The following ABLIM2 variants were observed in gnomAD, a reference collection of about 807,000 sequenced individuals.
ABLIM2 encodes actin binding LIM protein family member 2.
In ABLIM2, 53 loss-of-function variants were observed where a neutral mutation model predicts 97.7. The observed-to-expected ratio is 0.54, with a 90% CI of 0.44 to 0.68. The LOEUF is 0.68. Ranked by LOEUF, ABLIM2 falls within the 30% of genes least tolerant of loss-of-function variation. ABLIM2 has a pLI of 0.00. For synonymous variants in ABLIM2, 361 were observed against 345.8 expected, an observed-to-expected ratio of 1.04 and a Z score of -0.49; for missense variants, 835 against 867.2, an observed-to-expected ratio of 0.96 and a Z score of 0.47.
In ABLIM2 at chr4:8,064,400, C is replaced by T. The variant is rs531925412; in HGVS notation, c.676-3346G>A. On this transcript the variant is annotated intron_variant, in intron 6 of 20. Coordinates refer to ENST00000447017, the MANE Select transcript of ABLIM2 (RefSeq NM_001130083.2). ...TTAACAGGCCATCATGGGAACAGGA[C>T]GGGTGGCTCTGAAGACAGGAGGAAA... Among the ~76,000 whole-genome samples the T allele has an allele frequency of 1.6e-4, 24 of 152,276 alleles. No individual in the cohort carries two copies. The East Asian group carries it at 3.5e-3, about 22-fold the overall frequency.
chr4:8,039,874 GTTTTTTTTTT>G (rs397947626), intron 9 of ABLIM2, among the ~76,000 whole-genome samples: 1 of 108,630 alleles, frequency 9.2e-6, no homozygotes, highest in African/African-American at 3.4e-5. Flanking sequence ...GCTGATTACT[GTTTTTTTTTT>G]TTTTTTTTTT....
At position 8,068,080 on chromosome 4, in the gene ABLIM2, G is replaced by C. The variant is rs1438885860; in HGVS notation, c.676-7026C>G. Among the ~76,000 whole-genome samples the C allele has an allele frequency of 6.6e-6, 1 of 151,452 alleles. No homozygotes were observed. Among genetic ancestry groups the C allele is most frequent in the Non-Finnish European group, 1.5e-5 (1 of 68,002 alleles). ...CATTCCCATTCTCTCATAGTGACTG[G>C]GGCGTCCCAGTCATCGGTACAGTGG... On this transcript the variant is annotated intron_variant, in intron 6 of 20. Transcript: ENST00000447017. The surrounding 1 kb of genome is among the most constrained non-coding windows in gnomAD (Gnocchi z 4.5).
intron 9 of ABLIM2, among the ~76,000 whole-genome samples, chr4:8,039,005 G>T (rs942046561): frequency 2.0e-5 from 3 of 152,040 alleles, no homozygotes; most frequent in African/African-American, 4.8e-5. Flanking sequence ...CAGGCTCAGC[G>T]AAGGCCCCTC....
intron 20 of ABLIM2, among the ~76,000 whole-genome samples, chr4:7,981,006 C>T (rs184934859): frequency 2.2e-5 from 3 of 135,374 alleles, no homozygotes; most frequent in Admixed American, 8.3e-5. Context: ...TGCTGTGGCA[C>T]GATCTCGGCT....
chr4:8,078,107 G>A (rs1817455515), intron 5 of ABLIM2, among the ~76,000 whole-genome samples: 1 of 152,172 alleles, frequency 6.6e-6, no homozygotes, highest in Non-Finnish European at 1.5e-5. Context: ...CAAAGAGGGG[G>A]GACAGTAAGG....
intron 1 of ABLIM2, among the ~76,000 whole-genome samples, chr4:8,116,329 C>A (rs1032661394): frequency 2.0e-5 from 3 of 152,340 alleles, no homozygotes; most frequent in East Asian, 1.9e-4. Context: ...TGCATGCCCC[C>A]CAAGGGCAGG....
rs1320592400 is a variant in ABLIM2 at position 8,075,928 on chromosome 4, A to T, written c.675+1700T>A. ...GATCAACTATGATTACATGGAAAGAAAAAACGAAAGAAAACTGGCCAGAAA... is the reference window on the plus strand; with the variant it reads ...GATCAACTATGATTACATGGAAAGATAAAACGAAAGAAAACTGGCCAGAAA... On this transcript the variant is annotated intron_variant, in intron 6 of 20. Coordinates refer to ENST00000447017, the MANE Select transcript of ABLIM2 (RefSeq NM_001130083.2). This position sits in a 1 kb window ranked among gnomAD's most constrained non-coding sequence, Gnocchi z 4.4. Among the ~76,000 whole-genome samples the T allele has an allele frequency of 6.6e-6, 1 of 152,254 alleles. No individual in the cohort carries two copies. Among genetic ancestry groups the T allele is most frequent in the African/African-American group, 2.4e-5 (1 of 41,472 alleles).
Position 7,991,955 on chromosome 4 carries a change from C to T in ABLIM2, c.1680+911G>A, listed in dbSNP as rs539833602. Among the ~76,000 whole-genome samples the T allele has an allele frequency of 6.6e-5, 10 of 152,276 alleles. No individual in the cohort carries two copies. The East Asian group carries it at 7.7e-4, about 12-fold the overall frequency. On this transcript the variant is annotated intron_variant, in intron 17 of 20. Coordinates refer to ENST00000447017, the MANE Select transcript of ABLIM2 (RefSeq NM_001130083.2). ...TTACACACAGCCACGGCTGCTCCAG[C>T]GCAACAAAGAGGGGGCCAGTTTTTT...
At position 8,032,170 on chromosome 4, in the gene ABLIM2, C is replaced by G. The variant is rs1372538205; in HGVS notation, c.1048-2394G>C. On this transcript the variant is annotated intron_variant, in intron 10 of 20. Transcript: ENST00000447017. This position sits in a 1 kb window ranked among gnomAD's most constrained non-coding sequence, Gnocchi z 4.3. ...ACAGACTGCAGTCTGATTGGCAGCT[C>G]TCTATGTCACTGATTAATTTTGAGA... Among the ~76,000 whole-genome samples the G allele has an allele frequency of 6.7e-6, 1 of 149,928 alleles. No homozygotes were observed. The highest frequency in any genetic ancestry group is 1.5e-5 in the Non-Finnish European group (1 of 67,726).
At chr4:8,111,252 C>T (rs1397604836) in intron 1 of ABLIM2, among the ~76,000 whole-genome samples, 4 of 152,202 alleles carry the variant, frequency 2.6e-5, no homozygotes, top group African/African-American at 9.7e-5. Context: ...AAAGGCTATG[C>T]CCTGCAGGAT....
At chr4:7,975,038 G>A (rs1731838974) in intron 20 of ABLIM2, among the ~76,000 whole-genome samples, 1 of 152,164 alleles carries the variant, frequency 6.6e-6, no homozygotes, top group Non-Finnish European at 1.5e-5. Flanking sequence ...GGGCAACATA[G>A]TAAGACCCTG....
intron 18 of ABLIM2, among the ~76,000 whole-genome samples, chr4:7,984,516 C>G (rs1015759665): frequency 6.6e-6 from 1 of 152,236 alleles, no homozygotes; most frequent in African/African-American, 2.4e-5. Context: ...TTTGGCCCAG[C>G]GCCGTCCCGC....
At chr4:7,982,016 T>C (rs954738131) in intron 20 of ABLIM2, among the ~76,000 whole-genome samples, 2 of 152,056 alleles carry the variant, frequency 1.3e-5, no homozygotes, top group African/African-American at 4.8e-5. Context: ...TGGTGCCTTC[T>C]CCCCTCTCTG....
At chr4:8,146,642 C>T (rs1047166403) in intron 1 of ABLIM2, among the ~76,000 whole-genome samples, 61 of 152,184 alleles carry the variant, frequency 4.0e-4, no homozygotes, top group African/African-American at 1.4e-3. Context: ...CAGGCTCAAG[C>T]GATCCTCCTG....
In ABLIM2 at chr4:8,080,743, G is replaced by A. The variant is rs1819291523; in HGVS notation, c.514C>T (p.His172Tyr). ...NGQALVALDK[H>Y]WHLGCFKCKS... ...CACTTAAAACAGCCCAAGTGCCAGT[G>A]CTTGTCCAAGGCTACCAGGGCCTGG... The change falls in exon 5 of 21, where the codon CAC (histidine) becomes TAC (tyrosine). Residue 172 changes from histidine to tyrosine, a missense_variant. By Grantham distance (83) the His-to-Tyr change is moderately conservative (BLOSUM62 2). Transcript: ENST00000447017. 6.2e-7 allele frequency: 1 copy of A among 1,612,806 alleles called. No individual in the cohort carries two copies. Among genetic ancestry groups the A allele is most frequent in the Non-Finnish European group, 8.5e-7 (1 of 1,179,182 alleles).
chr4:8,092,009 A>T (rs919932100), intron 3 of ABLIM2, among the ~76,000 whole-genome samples: 1 of 140,216 alleles, frequency 7.1e-6, no homozygotes, highest in Non-Finnish European at 1.5e-5. Context: ...ATATATATAT[A>T]TTTTTTGAGA....
chr4:8,042,766 G>T lies in ABLIM2; in HGVS notation c.900+2398C>A, dbSNP rs535938838. ...AGGCAGGAGAATCGCTTGAACCCAG[G>T]GGGTGGAGGTTGCAGTGAGCTGAGA... On this transcript the variant is annotated intron_variant, in intron 9 of 20. Coordinates refer to ENST00000447017, the MANE Select transcript of ABLIM2 (RefSeq NM_001130083.2). 3.3e-5 allele frequency among the ~76,000 whole-genome samples: 5 copies of T among 151,786 alleles called. No homozygotes were observed. The South Asian group carries it at 8.4e-4, about 25-fold the overall frequency.
chr4:8,019,783 T>A lies in ABLIM2; in HGVS notation c.1370-112A>T. ...AACAAGCACTCACCCAGATTTAGAA[T>A]CATCAGGCAGGAACTGGCACCCAGC... is the stretch of plus-strand genomic sequence containing the variant. On this transcript the variant is annotated intron_variant, in intron 13 of 20. Coordinates refer to ENST00000447017, the MANE Select transcript of ABLIM2 (RefSeq NM_001130083.2). This position sits in a 1 kb window ranked among gnomAD's most constrained non-coding sequence, Gnocchi z 4.3. 9.1e-7 allele frequency: 1 copy of A among 1,097,236 alleles called. No individual in the cohort carries two copies. The highest frequency in any genetic ancestry group is 1.3e-6 in the Non-Finnish European group (1 of 747,154). 68.0% of individuals were successfully genotyped at this position (1,097,236 alleles called of 1,614,324 possible). A position where few individuals can be genotyped will look rare whatever the true frequency, so the allele number is the denominator to read the frequency against.
At chr4:8,091,581 TAAAATTA>T (rs1376466240) in intron 3 of ABLIM2, among the ~76,000 whole-genome samples, 12,067 of 50,136 alleles carry the variant, frequency 0.24, 3,277 homozygotes, top group African/African-American at 0.52. Context: ...TAATTTTATA[TAAAATTA>T]TATATATAAT....
Sources: allele counts gnomAD v4.1 joint callset (sites outside exome capture counted in the v4.1 genomes callset), GRCh38; gene constraint gnomAD v4.1.1; non-coding constraint Gnocchi (gnomAD v3.1); transcripts MANE v1.5; gene names NCBI Gene and HGNC (gene_info 2026-07-23, HGNC 2026-07-21).